The following MFSD6 variants were observed in gnomAD, a reference collection of about 807,000 sequenced individuals.
MFSD6 encodes the protein major facilitator superfamily domain containing 6.
In MFSD6, 26 loss-of-function variants were observed where a neutral mutation model predicts 56.3. The ratio of observed to expected loss-of-function variants is 0.46; its 90% CI spans 0.34 to 0.64. The LOEUF (loss-of-function observed/expected upper bound fraction) is 0.64, where lower values mean the gene tolerates loss of function less well. Ranked by LOEUF, MFSD6 falls within the 30% of genes least tolerant of loss-of-function variation. MFSD6 has a pLI of 0.01. For synonymous variants in MFSD6, 331 were observed against 366.9 expected, an observed-to-expected ratio of 0.90 and a Z score of 1.12; for missense variants, 750 against 986.2, an observed-to-expected ratio of 0.76 and a Z score of 3.21.
In MFSD6 at chr2:190,437,618, T is replaced by C. The variant is rs148580810; in HGVS notation, c.1532+57T>C. The C allele has an allele frequency of 2.3e-5, 35 of 1,535,524 alleles. 1 individual carries two copies. The East Asian group carries it at 7.0e-4, about 31-fold the overall frequency. On this transcript the variant is annotated intron_variant, in intron 3 of 7. Coordinates refer to ENST00000392328, the MANE Select transcript of MFSD6 (RefSeq NM_017694.4). The surrounding 1 kb of genome is among the most constrained non-coding windows in gnomAD (Gnocchi z 5.9). ...GCAATTGAACTTTATCTTTTTATGGTTTATAGCTCCTTCTACTACAATTTT... is the reference window on the plus strand; with the variant it reads ...GCAATTGAACTTTATCTTTTTATGGCTTATAGCTCCTTCTACTACAATTTT...
rs772681124 is a variant in MFSD6, at chr2:190,497,487, C to T, written c.1940C>T (p.Pro647Leu). The T allele has an allele frequency of 5.0e-6, 8 of 1,614,064 alleles. No homozygotes were observed. Among genetic ancestry groups the T allele is most frequent in the Non-Finnish European group, 6.8e-6 (8 of 1,180,030 alleles). ...ERIPVPSSPV[P>L]IATIDLVQQQ... ...ATTCCTGTTCCCTCCAGTCCCGTTC[C>T]TATAGCAACCATCGACTTGGTACAG... The change falls in exon 7 of 8, where the codon CCT becomes CTT. Residue 647 changes from proline (P) to leucine (L), a missense_variant. This residue lies in a region of MFSD6 where 172 missense variants were observed against 203.9 expected (regional missense o/e 0.84). Coordinates refer to ENST00000392328, the MANE Select transcript of MFSD6 (RefSeq NM_017694.4). This position sits in a 1 kb window ranked among gnomAD's most constrained non-coding sequence, Gnocchi z 5.2.
At chr2:190,473,379 G>T (rs1439332580) in intron 4 of MFSD6, among the ~76,000 whole-genome samples, 1 of 152,142 alleles carries the variant, frequency 6.6e-6, no homozygotes, top group Non-Finnish European at 1.5e-5. Context: ...TCAAAATAAA[G>T]GGATGGAGGA....
At chr2:190,427,510 A>G (rs1276909874) in intron 2 of MFSD6, among the ~76,000 whole-genome samples, 1 of 152,126 alleles carries the variant, frequency 6.6e-6, no homozygotes, top group Admixed American at 6.5e-5. Flanking sequence ...GTTTGCACCT[A>G]TCTTCACCCA....
chr2:190,476,257 A>G (rs1574206036), intron 4 of MFSD6, among the ~76,000 whole-genome samples: 1 of 152,010 alleles, frequency 6.6e-6, no homozygotes, highest in African/African-American at 2.4e-5. Flanking sequence ...AACTACCATC[A>G]GAGTGAACAG....
At position 190,410,680 on chromosome 2, in the gene MFSD6, T is replaced by C. The variant is rs1177611048; in HGVS notation, c.-176+2177T>C. Among the ~76,000 whole-genome samples the C allele has an allele frequency of 2.6e-5, 4 of 152,152 alleles. No homozygotes were observed. The highest frequency in any genetic ancestry group is 9.7e-5 in the African/African-American group (4 of 41,422). On this transcript the variant is annotated intron_variant, in intron 1 of 7. Transcript: ENST00000392328. This position sits in a 1 kb window ranked among gnomAD's most constrained non-coding sequence, Gnocchi z 4.4. The stretch of plus-strand genomic sequence containing the variant: ...AGCAAATCTTAATTTGGCAATCTCA[T>C]TATAGGGAAAGGAAGAAATGCAAAA...
chr2:190,433,933 G>A lies in MFSD6; in HGVS notation c.-53-2044G>A, dbSNP rs948230628. 2.0e-5 allele frequency among the ~76,000 whole-genome samples: 3 copies of A among 152,184 alleles called. No individual in the cohort carries two copies. Among genetic ancestry groups the A allele is most frequent in the Non-Finnish European group, 4.4e-5 (3 of 68,034 alleles). ...AGGCAGGGTGCAGTGGTTCACGCCT[G>A]TAATCCCAGCACTTTGGGAGGCTGA... On this transcript the variant is annotated intron_variant, in intron 2 of 7. Transcript: ENST00000392328. This position sits in a 1 kb window ranked among gnomAD's most constrained non-coding sequence, Gnocchi z 4.5.
At chr2:190,419,465 T>A (rs1308282804) in intron 2 of MFSD6, among the ~76,000 whole-genome samples, 2 of 152,256 alleles carry the variant, frequency 1.3e-5, no homozygotes, top group Non-Finnish European at 2.9e-5. Flanking sequence ...TAGGCAACAC[T>A]GAGTTATGAT....
intron 4 of MFSD6, among the ~76,000 whole-genome samples, chr2:190,472,219 A>G (rs1204166709): frequency 1.3e-5 from 2 of 152,254 alleles, no homozygotes; most frequent in Admixed American, 1.3e-4. Context: ...CCTCACTAGC[A>G]ATGGAACAAA....
chr2:190,446,781 G>C (rs535521839), intron 3 of MFSD6, among the ~76,000 whole-genome samples: 3 of 152,280 alleles, frequency 2.0e-5, no homozygotes, highest in Non-Finnish European at 4.4e-5. Flanking sequence ...TGAATACTCG[G>C]TTCTGGTCTC....
rs904112852 is a variant in MFSD6 at position 190,426,543 on chromosome 2, T to C, written c.-53-9434T>C. 6.6e-6 allele frequency among the ~76,000 whole-genome samples: 1 copy of C among 152,330 alleles called. No individual in the cohort carries two copies. Among genetic ancestry groups the C allele is most frequent in the Middle Eastern group, 3.4e-3 (1 of 294 alleles). The stretch of plus-strand genomic sequence containing the variant: ...TTTGTTACATGGGTATATTGTGTAG[T>C]TGTGGGGATTGGGCTTCTGCTGTAC... On this transcript the variant is annotated intron_variant, in intron 2 of 7. Coordinates refer to ENST00000392328, the MANE Select transcript of MFSD6 (RefSeq NM_017694.4). This position sits in a 1 kb window ranked among gnomAD's most constrained non-coding sequence, Gnocchi z 4.7.
chr2:190,484,734 G>A (rs1012331095), intron 4 of MFSD6, among the ~76,000 whole-genome samples: 4 of 152,002 alleles, frequency 2.6e-5, no homozygotes, highest in South Asian at 2.1e-4. Context: ...CCCTTCTTAC[G>A]GATTGCTACA....
At chr2:190,407,775 T>A (rs1012761004), upstream of MFSD6, among the ~76,000 whole-genome samples, 1 of 152,054 alleles carries the variant, frequency 6.6e-6, no homozygotes, top group Non-Finnish European at 1.5e-5. This position sits in a 1 kb window ranked among gnomAD's most constrained non-coding sequence, Gnocchi z 5.4. Flanking sequence ...TCACAGATCG[T>A]TTGTCTCCCG....
chr2:190,437,142 C>T lies in MFSD6; in HGVS notation c.1113C>T (p.Val371=). ...KPPEYRNYQI[V]FIVFGVLMTM... is the part of the protein sequence containing the mutation. ...CCGAGTACAGGAATTACCAGATCGT[C>T]TTCATCGTCTTCGGCGTTCTCATGA... is the stretch of plus-strand genomic sequence containing the variant. Residue 371 remains valine (V), a synonymous_variant, in exon 3 of 8, where the codon GTC becomes GTT. Coordinates refer to ENST00000392328, the MANE Select transcript of MFSD6 (RefSeq NM_017694.4). This position sits in a 1 kb window ranked among gnomAD's most constrained non-coding sequence, Gnocchi z 5.9. The T allele has an allele frequency of 1.2e-6, 2 of 1,614,260 alleles. No individual in the cohort carries two copies. Among genetic ancestry groups the T allele is most frequent in the Non-Finnish European group, 1.7e-6 (2 of 1,180,046 alleles).
In MFSD6 at chr2:190,434,906, G is replaced by T. The variant is rs966302577; in HGVS notation, c.-53-1071G>T. Among the ~76,000 whole-genome samples, 6 of 152,134 alleles carry T rather than the reference G, an allele frequency of 3.9e-5. No individual in the cohort carries two copies. Among genetic ancestry groups the T allele is most frequent in the African/African-American group, 1.4e-4 (6 of 41,422 alleles). ...AGCGGGCCAGCAAGCATTATCACAT[G>T]AGCTCTTCCTCCTGTCAGATCAGCA... On this transcript the variant is annotated intron_variant, in intron 2 of 7. Coordinates refer to ENST00000392328, the MANE Select transcript of MFSD6 (RefSeq NM_017694.4). This position sits in a 1 kb window ranked among gnomAD's most constrained non-coding sequence, Gnocchi z 4.3.
rs1048947573 is a variant in MFSD6, at chr2:190,438,408, C to T, written c.1532+847C>T. Among the ~76,000 whole-genome samples, 8 of 152,032 alleles carry T rather than the reference C, an allele frequency of 5.3e-5. No homozygotes were observed. Among genetic ancestry groups the T allele is most frequent in the Non-Finnish European group, 1.0e-4 (7 of 68,000 alleles). ...GCACGCACCCGTAGTCCCAGCTACT[C>T]GGGAGGCTGACGCACAAGAATCACT... is the stretch of plus-strand genomic sequence containing the variant. On this transcript the variant is annotated intron_variant, in intron 3 of 7. Coordinates refer to ENST00000392328, the MANE Select transcript of MFSD6 (RefSeq NM_017694.4). This position sits in a 1 kb window ranked among gnomAD's most constrained non-coding sequence, Gnocchi z 5.2.
In MFSD6 at chr2:190,454,489, A is replaced by C. The variant is rs568335557; in HGVS notation, c.1533-15269A>C. The C allele has an allele frequency of 2.6e-5, 4 of 152,288 alleles. No individual in the cohort carries two copies. Among genetic ancestry groups the C allele is most frequent in the Non-Finnish European group, 4.4e-5 (3 of 68,060 alleles). 9.4% of individuals were successfully genotyped at this position (152,288 alleles called of 1,614,324 possible). On this transcript the variant is annotated intron_variant, in intron 3 of 7. Coordinates refer to ENST00000392328, the MANE Select transcript of MFSD6 (RefSeq NM_017694.4). This position sits in a 1 kb window ranked among gnomAD's most constrained non-coding sequence, Gnocchi z 4.6. ...GGGGTTAGTGCCCTTACAAGAATAC[A>C]TGCTAGAGAGCTTGCTTGTGTACGA...
At position 190,447,213 on chromosome 2, in the gene MFSD6, T is replaced by G. The variant is rs993810531; in HGVS notation, c.1532+9652T>G. Among the ~76,000 whole-genome samples, 2 of 152,226 alleles carry G rather than the reference T, an allele frequency of 1.3e-5. No homozygotes were observed. The highest frequency in any genetic ancestry group is 2.4e-5 in the African/African-American group (1 of 41,450). ...TAGAGAATGGAGCTAATTAGAGCTT[T>G]TCTAATCAGAGAACACAAAGTTAGT... On this transcript the variant is annotated intron_variant, in intron 3 of 7. Coordinates refer to ENST00000392328, the MANE Select transcript of MFSD6 (RefSeq NM_017694.4). The surrounding 1 kb of genome is among the most constrained non-coding windows in gnomAD (Gnocchi z 4.5).
intron 3 of MFSD6, among the ~76,000 whole-genome samples, chr2:190,450,189 A>C (rs1018223577): frequency 2.0e-5 from 3 of 152,178 alleles, no homozygotes; most frequent in Non-Finnish European, 4.4e-5. Context: ...TTATTGTACA[A>C]GTCAAAAGTC....
At position 190,497,165 on chromosome 2, in the gene MFSD6, C is replaced by G. The variant is rs1689746735; in HGVS notation, c.1892-274C>G. On this transcript the variant is annotated intron_variant, in intron 6 of 7. Transcript: ENST00000392328. This position sits in a 1 kb window ranked among gnomAD's most constrained non-coding sequence, Gnocchi z 5.2. The stretch of plus-strand genomic sequence containing the variant: ...AGGCAACACTCATTATAACCTATGC[C>G]CCACTGATGTTCTAAGTTAAATGAA... Among the ~76,000 whole-genome samples, 1 of 152,030 alleles carries G rather than the reference C, an allele frequency of 6.6e-6. No individual in the cohort carries two copies. The highest frequency in any genetic ancestry group is 1.5e-5 in the Non-Finnish European group (1 of 67,992).
Sources: gnomAD v4.1 joint callset for allele counts (sites outside exome capture counted in the v4.1 genomes callset) on GRCh38, gnomAD v4.1.1 for gene constraint, gnomAD v4.1.1 regional missense constraint, Gnocchi (gnomAD v3.1) non-coding constraint, MANE v1.5 for transcripts, NCBI Gene and HGNC (gene_info 2026-07-23, HGNC 2026-07-21) for gene names.